SUMF1: variants seen among roughly 807,000 people sequenced by gnomAD.
SUMF1 encodes sulfatase modifying factor 1.
In SUMF1, 48 loss-of-function variants were observed where a neutral mutation model predicts 47.6. The ratio of observed to expected loss-of-function variants is 1.01; its 90% CI spans 0.80 to 1.28. SUMF1 has a LOEUF of 1.28. Among genes scored for constraint, SUMF1 ranks in the 50% most tolerant of loss-of-function variants. The pLI is 0.00. For missense variants in SUMF1, 571 were observed against 485.4 expected, an observed-to-expected ratio of 1.18 and a Z score of -1.66; for synonymous variants, 230 against 192.1, an observed-to-expected ratio of 1.20 and a Z score of -1.63.
chr3:4,453,746 C>G (rs1703059547), intron 1 of SUMF1, among the ~76,000 whole-genome samples: 1 of 152,024 alleles, frequency 6.6e-6, no homozygotes, highest in Admixed American at 6.6e-5. Context: ...GTTGGCCAGG[C>G]TGGTCTTGAA....
chr3:4,365,560 G>A (rs372737070), intron 8 of SUMF1, among the ~76,000 whole-genome samples: 7 of 142,924 alleles, frequency 4.9e-5, no homozygotes, highest in East Asian at 2.0e-4. Context: ...TTTGTTTTCC[G>A]TTTGCTTGGT....
At chr3:4,044,401 A>G (rs549542473) in intron 9 of SUMF1, among the ~76,000 whole-genome samples, 103 of 152,312 alleles carry the variant, frequency 6.8e-4, no homozygotes, top group African/African-American at 2.1e-3. Context: ...TGCTGACAAT[A>G]ATTACTAACA....
intron 9 of SUMF1, among the ~76,000 whole-genome samples, chr3:4,047,991 TAGAG>T (rs1296474332): frequency 1.3e-5 from 2 of 152,096 alleles, no homozygotes; most frequent in African/African-American, 2.4e-5. Context: ...AACTTCCAAA[TAGAG>T]AGAAGAGGCA....
At chr3:4,178,309 C>A (rs145572163) in intron 8 of SUMF1, among the ~76,000 whole-genome samples, 1 of 152,078 alleles carries the variant, frequency 6.6e-6, no homozygotes, top group Non-Finnish European at 1.5e-5. Flanking sequence ...ACTGGCAAAC[C>A]GAATCCAGCA....
chr3:4,403,712 T>C (rs1701286805), intron 7 of SUMF1, among the ~76,000 whole-genome samples: 3 of 152,214 alleles, frequency 2.0e-5, no homozygotes, highest in Admixed American at 2.0e-4. Flanking sequence ...AGTGAGAACA[T>C]CTGACAATGC....
At chr3:4,285,746 G>C (rs1697620361) in intron 8 of SUMF1, among the ~76,000 whole-genome samples, 1 of 151,986 alleles carries the variant, frequency 6.6e-6, no homozygotes, top group Non-Finnish European at 1.5e-5. Context: ...TACTGTATGA[G>C]GGATGAATGA....
At chr3:4,236,995 T>C (rs1474881587) in intron 8 of SUMF1, among the ~76,000 whole-genome samples, 1 of 152,192 alleles carries the variant, frequency 6.6e-6, no homozygotes, top group Non-Finnish European at 1.5e-5. Context: ...TTATACTGTA[T>C]ATACCCTTTT....
intron 8 of SUMF1, among the ~76,000 whole-genome samples, chr3:4,277,558 G>C (rs144644063): frequency 7.5e-4 from 114 of 152,168 alleles, no homozygotes; most frequent in African/African-American, 2.7e-3. Context: ...GGGATGCTAT[G>C]CAAATTAGTG....
At chr3:4,367,482 C>A (rs34842306) in intron 8 of SUMF1, among the ~76,000 whole-genome samples, 7,099 of 151,644 alleles carry the variant, frequency 0.047, 340 homozygotes, top group East Asian at 0.27. Flanking sequence ...TTGGAAAAAA[C>A]TACTTTAAAG....
intron 2 of SUMF1, 71 bp downstream of exon 2, chr3:4,452,805 A>G (rs932450018): frequency 6.4e-7 from 1 of 1,563,958 alleles, no homozygotes; most frequent in African/African-American, 1.4e-5. Context: ...AGTCAATCTT[A>G]GCTGCTATTA....
rs542267813 is a variant in SUMF1 at position 4,143,080 on chromosome 3, C to T, written c.1015-74335G>A. On this transcript the variant is annotated intron_variant and NMD_transcript_variant, in intron 8 of 12. Transcript: ENST00000448413. Reference sequence around the variant, plus strand: ...GTTATTTATATCCCTGAGCCTCGATCGGCTATTTGTGCAAGGCTGGTAGAG... The same window carrying T: ...GTTATTTATATCCCTGAGCCTCGATTGGCTATTTGTGCAAGGCTGGTAGAG... 4.9e-4 allele frequency among the ~76,000 whole-genome samples: 75 copies of T among 152,178 alleles called. No homozygotes were observed. In the South Asian group the frequency reaches 6.4e-3, roughly 13 times the overall value.
At position 4,124,051 on chromosome 3, in the gene SUMF1, CT is replaced by C. The variant is rs1281146316; in HGVS notation, c.1015-55307del. 5.3e-5 allele frequency among the ~76,000 whole-genome samples: 8 copies of C among 152,262 alleles called. No individual in the cohort carries two copies. In the South Asian group the frequency reaches 1.5e-3, roughly 28 times the overall value. On this transcript the variant is annotated intron_variant and NMD_transcript_variant, in intron 8 of 12. Coordinates refer to the SUMF1 transcript ENST00000448413. ...TTACTTACGAGAATGATTGAGACCC[CT>C]GTTGATAAATAAAACAAGAGGTTGT...
At chr3:4,443,884 A>G (rs35458769) in intron 3 of SUMF1, among the ~76,000 whole-genome samples, 3 of 152,022 alleles carry the variant, frequency 2.0e-5, no homozygotes, top group Non-Finnish European at 2.9e-5. Context: ...AGAATAAAAC[A>G]AAAGGACACA....
chr3:4,464,410 G>T (rs1232506187), intron 1 of SUMF1, among the ~76,000 whole-genome samples: 1 of 147,908 alleles, frequency 6.8e-6, no homozygotes, highest in Admixed American at 6.7e-5. Flanking sequence ...GTCTGTGTGT[G>T]TTTGTGTGTG....
intron 3 of SUMF1, among the ~76,000 whole-genome samples, chr3:4,440,445 G>A (rs566776979): frequency 1.3e-5 from 2 of 152,192 alleles, no homozygotes; most frequent in African/African-American, 4.8e-5. Flanking sequence ...GGACCTCAAG[G>A]CATTTCTCAT....
intron 8 of SUMF1, among the ~76,000 whole-genome samples, chr3:4,295,271 A>G (rs1697827199): frequency 6.6e-6 from 1 of 152,048 alleles, no homozygotes; most frequent in Admixed American, 6.6e-5. Context: ...GAAAATTAAT[A>G]TAGTCTCTAA....
chr3:4,265,149 A>G (rs1697164781), intron 8 of SUMF1, among the ~76,000 whole-genome samples: 1 of 151,638 alleles, frequency 6.6e-6, no homozygotes, highest in Non-Finnish European at 1.5e-5. Flanking sequence ...AAAAAAAAAA[A>G]AAAAAAAAAA....
intron 8 of SUMF1, among the ~76,000 whole-genome samples, chr3:4,118,263 G>C (rs1310290282): frequency 6.6e-6 from 1 of 151,576 alleles, no homozygotes; most frequent in East Asian, 1.9e-4. Flanking sequence ...AAAGGAACAG[G>C]ATACATGAAA....
intron 3 of SUMF1, among the ~76,000 whole-genome samples, chr3:4,422,878 G>C (rs1180094804): frequency 6.6e-6 from 1 of 151,876 alleles, no homozygotes; most frequent in East Asian, 1.9e-4. Context: ...GTGGTGATTT[G>C]TGAGATTTTG....
Sources: gnomAD v4.1 joint callset for allele counts (sites outside exome capture counted in the v4.1 genomes callset) on GRCh38, gnomAD v4.1.1 for gene constraint, MANE v1.5 for transcripts, NCBI Gene and HGNC (gene_info 2026-07-23, HGNC 2026-07-21) for gene names.